Variants in SSTR3 observed in about 807,000 individuals in gnomAD.
The protein encoded by SSTR3 is somatostatin receptor 3.
For missense variants in SSTR3, 504 were observed against 604.7 expected (o/e 0.83, Z 1.75); for synonymous variants, 281 against 269.2 (o/e 1.04, Z -0.43).
Position 37,207,486 on chromosome 22 carries a change from CA to C in SSTR3, c.317del (p.Leu106ArgfsTer29). 6.2e-7 allele frequency: 1 copy of C among 1,613,644 alleles called. No homozygotes were observed. The highest frequency in any genetic ancestry group is 8.5e-7 in the Non-Finnish European group (1 of 1,180,006). ...GLPFLAAQNA[L>X]SYWPFGSLMC... is the part of the protein sequence containing the mutation. ...TGAGGGAGCCGAAGGGCCAGTAGGACAGGGCGTTCTGGGCGGCCAGGAAGGG... is the reference window on the plus strand; with the variant it reads ...TGAGGGAGCCGAAGGGCCAGTAGGACGGGCGTTCTGGGCGGCCAGGAAGGG... On this transcript the variant is annotated frameshift_variant, in exon 2 of 2. Transcript: ENST00000610913. LOFTEE classifies it low-confidence loss of function (END_TRUNC).
At chr22:37,210,970 A>G (rs1926155090) in intron 1 of SSTR3, 2 of 985,410 alleles carry the variant, frequency 2.0e-6, no homozygotes, top group Non-Finnish European at 2.4e-6. Flanking sequence ...GACTCACATC[A>G]TGAGATCCTC....
Position 37,206,522 on chromosome 22 carries a change from G to T in SSTR3, c.*25C>A. On this transcript the variant is annotated 3_prime_UTR_variant, in exon 2 of 2. Coordinates refer to ENST00000610913, the MANE Select transcript of SSTR3 (RefSeq NM_001051.5). ...ACCCACGGCTTCTGCCTCTTCCTCG[G>T]GCCATCCTGGCTTTCCCCAGGCCCC... 1 of 1,575,300 alleles carries T rather than the reference G, an allele frequency of 6.3e-7. No homozygotes were observed.
upstream of SSTR3, among the ~76,000 whole-genome samples, chr22:37,217,441 T>G (rs767757578): frequency 8.5e-5 from 13 of 152,234 alleles, no homozygotes; most frequent in Non-Finnish European, 1.9e-4. Flanking sequence ...AGTAGCCTTT[T>G]AATCTGAAGA....
At position 37,206,825 on chromosome 22, in the gene SSTR3, C is replaced by T. The variant is rs1925806525; in HGVS notation, c.979G>A (p.Val327Ile). 4 of 1,612,870 alleles carry T rather than the reference C, an allele frequency of 2.5e-6. No homozygotes were observed. Among genetic ancestry groups the T allele is most frequent in the South Asian group, 2.2e-5 (2 of 91,092 alleles). ...ACACGGCGGGAGGGCCGCAGCAGGA[C>T]CCTGCGGAAGCCCTGCTTGAAGCGG... Reference protein sequence around the residue: ...SYRFKQGFRRVLLRPSRRVRS... With the variant: ...SYRFKQGFRRILLRPSRRVRS... The change falls in exon 2 of 2, where the codon GTC (valine) becomes ATC (isoleucine). Residue 327 changes from valine (V) to isoleucine (I), a missense_variant. Val to Ile is a conservative substitution (Grantham distance 29). Coordinates refer to ENST00000610913, the MANE Select transcript of SSTR3 (RefSeq NM_001051.5).
chr22:37,211,687 G>T, intron 1 of SSTR3, 138 bp downstream of exon 1: 23 of 909,168 alleles, frequency 2.5e-5, no homozygotes, highest in Non-Finnish European at 3.0e-5. Context: ...GGAGGTCACA[G>T]GAAGGCCTCC....
the SSTR3 span, among the ~76,000 whole-genome samples, chr22:37,219,434 G>T: frequency 1.3e-5 from 2 of 152,158 alleles, no homozygotes; most frequent in African/African-American, 4.8e-5. Context: ...GCAAAAAACT[G>T]CTCATTTTAC....
chr22:37,214,236 C>A (rs1489295414), upstream of SSTR3, among the ~76,000 whole-genome samples: 1 of 152,220 alleles, frequency 6.6e-6, no homozygotes, highest in African/African-American at 2.4e-5. Flanking sequence ...ATATTGATTT[C>A]TCTGCACTAA....
the SSTR3 span, among the ~76,000 whole-genome samples, chr22:37,219,643 G>A: frequency 3.3e-5 from 5 of 152,140 alleles, no homozygotes; most frequent in African/African-American, 7.2e-5. Context: ...AGCAGATAAC[G>A]AAGAGTCTAG....
upstream of SSTR3, among the ~76,000 whole-genome samples, chr22:37,217,425 G>A (rs1437076460): frequency 6.6e-6 from 1 of 151,810 alleles, no homozygotes; most frequent in East Asian, 1.9e-4. Flanking sequence ...GTCTTCGGGG[G>A]CACCAAGTAG....
rs1297899478 is a variant in SSTR3 at position 37,208,500 on chromosome 22, T to TG, written c.-36-662dup. On this transcript the variant is annotated intron_variant, in intron 1 of 1. Transcript: ENST00000610913. ...TGCCCAGGAAGGTTGGCTGTGAACC[T>TG]GGGGGGCAGGTGGCTGAGGCCCCTT... Among the ~76,000 whole-genome samples, 5 of 152,264 alleles carry TG rather than the reference T, an allele frequency of 3.3e-5. No homozygotes were observed. The East Asian group carries it at 5.8e-4, about 18-fold the overall frequency.
upstream of SSTR3, among the ~76,000 whole-genome samples, chr22:37,216,283 T>A (rs936349949): frequency 8.6e-5 from 13 of 151,888 alleles, no homozygotes; most frequent in Non-Finnish European, 8.8e-5. Flanking sequence ...TTGATTTTTT[T>A]ATGTCTTAAT....
At position 37,207,307 on chromosome 22, in the gene SSTR3, GCCGCGC is replaced by G; in HGVS notation, c.491_496del (p.Ser164_Ala166delinsThr). 6.3e-7 allele frequency: 1 copy of G among 1,594,314 alleles called. No individual in the cohort carries two copies. Among genetic ancestry groups the G allele is most frequent in the East Asian group, 2.2e-5 (1 of 44,690 alleles). ...CACCACGGCTGAGGCCACCCACACA[GCCGCGC>G]TGACCGTGCGGGCCACCGGAGCTGT... is the stretch of plus-strand genomic sequence containing the variant. On this transcript the variant is annotated inframe_deletion, in exon 2 of 2. Coordinates refer to ENST00000610913, the MANE Select transcript of SSTR3 (RefSeq NM_001051.5).
At chr22:37,216,943 G>A (rs1356954424), upstream of SSTR3, among the ~76,000 whole-genome samples, 2 of 152,152 alleles carry the variant, frequency 1.3e-5, no homozygotes, top group Non-Finnish European at 2.9e-5. Flanking sequence ...TGGGACTACA[G>A]GTGCATGCCA....
In SSTR3 at chr22:37,211,832, TGG is replaced by T; in HGVS notation, c.-46_-45del. On this transcript the variant is annotated 5_prime_UTR_variant, in exon 1 of 2. The change abolishes the stop of an existing upstream ORF in the 5' untranslated region. Coordinates refer to ENST00000610913, the MANE Select transcript of SSTR3 (RefSeq NM_001051.5). ...GGGCCCCAGCCTCCTTACCTGCCCATGGGGTGAGGGCTTCCCTCCTTGCCGCC... is the reference window on the plus strand; with the variant it reads ...GGGCCCCAGCCTCCTTACCTGCCCATGGTGAGGGCTTCCCTCCTTGCCGCC... The T allele has an allele frequency of 1.0e-6, 1 of 985,604 alleles. No homozygotes were observed. The highest frequency in any genetic ancestry group is 1.2e-6 in the Non-Finnish European group (1 of 830,124). 61.1% of individuals were successfully genotyped at this position (985,604 alleles called of 1,614,324 possible). A position where few individuals can be genotyped will look rare whatever the true frequency, so the allele number is the denominator to read the frequency against.
chr22:37,214,200 G>A (rs1201292913), upstream of SSTR3, among the ~76,000 whole-genome samples: 1 of 152,154 alleles, frequency 6.6e-6, no homozygotes, highest in Non-Finnish European at 1.5e-5. Context: ...TTCAGGACAC[G>A]CCACCCCAGA....
rs1925739094 is a variant in SSTR3, at chr22:37,206,390, C to A, written c.*157G>T. Reference sequence around the variant, plus strand: ...AACAAGGCCCAGAGAGTAGAAGCAACCTACCCAAGGTCACACAGCAAGACC... The same window carrying A: ...AACAAGGCCCAGAGAGTAGAAGCAAACTACCCAAGGTCACACAGCAAGACC... On this transcript the variant is annotated 3_prime_UTR_variant, in exon 2 of 2. Coordinates refer to ENST00000610913, the MANE Select transcript of SSTR3 (RefSeq NM_001051.5). The A allele has an allele frequency of 2.4e-6, 3 of 1,226,616 alleles. No homozygotes were observed. 76.0% of individuals were successfully genotyped at this position (1,226,616 alleles called of 1,614,324 possible).
rs1377268609 is a variant in SSTR3, at chr22:37,206,949, C to T, written c.855G>A (p.Leu285=). The T allele has an allele frequency of 6.2e-7, 1 of 1,612,564 alleles. No homozygotes were observed. The highest frequency in any genetic ancestry group is 2.2e-5 in the East Asian group (1 of 44,862). Residue 285 remains leucine (L), a synonymous_variant, in exon 2 of 2, where the codon CTG becomes CTA. Transcript: ENST00000610913. ...VLNIVNVVCP[L]PEEPAFFGLY... ...GCCCAAAGAAGGCAGGCTCCTCGGGCAGTGGGCACACCACGTTGACGATGT... is the reference window on the plus strand; with the variant it reads ...GCCCAAAGAAGGCAGGCTCCTCGGGTAGTGGGCACACCACGTTGACGATGT...
At chr22:37,211,280 G>A (rs532636392) in intron 1 of SSTR3, among the ~76,000 whole-genome samples, 60 of 152,264 alleles carry the variant, frequency 3.9e-4, no homozygotes, top group African/African-American at 1.3e-3. Flanking sequence ...TGCCAGTGCC[G>A]ACTGACTCAC....
the SSTR3 span, among the ~76,000 whole-genome samples, chr22:37,217,557 G>A: frequency 6.6e-6 from 1 of 151,664 alleles, no homozygotes; most frequent in Non-Finnish European, 1.5e-5. Flanking sequence ...TCTTCTTGTT[G>A]CTCATCTTTA....
Sources: allele counts gnomAD v4.1 joint callset (sites outside exome capture counted in the v4.1 genomes callset), GRCh38; gene constraint gnomAD v4.1.1; transcripts MANE v1.5; gene names NCBI Gene and HGNC (gene_info 2026-07-23, HGNC 2026-07-21).